ANP32B: variants seen among roughly 807,000 people sequenced by gnomAD.
ANP32B encodes acidic nuclear phosphoprotein 32 family member B.
A neutral mutation model predicts 32.2 loss-of-function variants in ANP32B; 6 were observed. That is an observed-to-expected ratio of 0.19 (90% confidence interval 0.10 to 0.37). ANP32B has a LOEUF of 0.37. ANP32B is among the 10% of genes least tolerant of loss of function. The pLI is 1.00. For missense variants in ANP32B, 204 were observed against 289.2 expected (o/e 0.71, Z 2.14); for synonymous variants, 98 against 105.8 (o/e 0.93, Z 0.45).
intron 3 of ANP32B, among the ~76,000 whole-genome samples, chr9:98,000,853 C>T (rs866474817): frequency 6.1e-5 from 9 of 147,818 alleles, no homozygotes; most frequent in African/African-American, 2.3e-4. Flanking sequence ...ACCCAGGAGG[C>T]GAAGGTTGCA....
intron 2 of ANP32B, 26 bp downstream of exon 2, chr9:97,994,806 AAG>A: frequency 1.3e-6 from 2 of 1,569,302 alleles, no homozygotes; most frequent in Non-Finnish European, 1.7e-6. Context: ...TTAACAGTAA[AAG>A]AGAACGATCC....
intron 3 of ANP32B, among the ~76,000 whole-genome samples, chr9:97,999,908 G>C (rs558025734): frequency 6.6e-6 from 1 of 152,104 alleles, no homozygotes; most frequent in Non-Finnish European, 1.5e-5. Context: ...ACACTAGAGG[G>C]TAAGACATTT....
intron 2 of ANP32B, among the ~76,000 whole-genome samples, chr9:97,995,512 G>A (rs2131584362): frequency 6.6e-6 from 1 of 152,290 alleles, no homozygotes; most frequent in African/African-American, 2.4e-5. Flanking sequence ...AATCAAACTT[G>A]GGCAAAGGTA....
At chr9:98,010,494 C>T (rs548696544) in intron 4 of ANP32B, among the ~76,000 whole-genome samples, 1 of 152,130 alleles carries the variant, frequency 6.6e-6, no homozygotes, top group East Asian at 1.9e-4. Context: ...TGGAGAAGCA[C>T]CACATACTCA....
At chr9:97,990,546 C>T (rs558610046) in intron 1 of ANP32B, among the ~76,000 whole-genome samples, 2 of 152,294 alleles carry the variant, frequency 1.3e-5, no homozygotes, top group Admixed American at 6.5e-5. Context: ...ACATTCTCAG[C>T]CTTTCTGGAA....
chr9:97,988,011 A>T (rs1827765598), intron 1 of ANP32B, among the ~76,000 whole-genome samples: 1 of 152,216 alleles, frequency 6.6e-6, no homozygotes, highest in Non-Finnish European at 1.5e-5. Flanking sequence ...CAAAAAGAAG[A>T]TAGACATCAT....
chr9:98,001,772 C>A (rs995590681), intron 3 of ANP32B, among the ~76,000 whole-genome samples: 6 of 152,046 alleles, frequency 3.9e-5, no homozygotes, highest in Non-Finnish European at 7.4e-5. Context: ...AAGTAATCTT[C>A]GTTGTGTTCA....
chr9:97,990,466 G>A (rs1254453921), intron 1 of ANP32B, among the ~76,000 whole-genome samples: 1 of 152,128 alleles, frequency 6.6e-6, no homozygotes, highest in African/African-American at 2.4e-5. Context: ...TCTCCTCTGT[G>A]CTTATTCCCC....
chr9:97,985,886 A>G (rs1390111934), intron 1 of ANP32B, among the ~76,000 whole-genome samples: 1 of 151,964 alleles, frequency 6.6e-6, no homozygotes, highest in East Asian at 1.9e-4. Context: ...CAATGGCACT[A>G]TCTCGGCTCA....
chr9:98,015,246 A>G, intron 6 of ANP32B, 118 bp from the exon 7 acceptor site: 2 of 1,425,366 alleles, frequency 1.4e-6, no homozygotes, highest in South Asian at 1.4e-5. Flanking sequence ...TAATCTGATC[A>G]AGTTTACATT....
At chr9:98,014,333 G>A (rs1303742664) in intron 6 of ANP32B, among the ~76,000 whole-genome samples, 2 of 151,668 alleles carry the variant, frequency 1.3e-5, no homozygotes, top group African/African-American at 2.4e-5. Flanking sequence ...GCATGAACCC[G>A]GGAGGCGGAG....
rs1004624609 is a variant in ANP32B at position 97,994,962 on chromosome 9, C to G, written c.204+182C>G. On this transcript the variant is annotated intron_variant, in intron 2 of 6. Coordinates refer to ENST00000339399, the MANE Select transcript of ANP32B (RefSeq NM_006401.3). The stretch of plus-strand genomic sequence containing the variant: ...GGCAAACTTCTGCAGGTTACTTAAT[C>G]TCTCTAAGGCCCAATTTCCTCACCT... Among the ~76,000 whole-genome samples, 4 of 152,190 alleles carry G rather than the reference C, an allele frequency of 2.6e-5. 1 individual carries two copies. The highest frequency in any genetic ancestry group is 2.4e-5 in the African/African-American group (1 of 41,432).
intron 1 of ANP32B, among the ~76,000 whole-genome samples, chr9:97,991,595 AAC>A (rs1283393592): frequency 1.3e-5 from 2 of 152,256 alleles, no homozygotes; most frequent in Non-Finnish European, 2.9e-5. Flanking sequence ...TACAAAAAGT[AAC>A]AGTCAAATAA....
rs918252824 is a variant in ANP32B, at chr9:97,991,421, A to G, written c.55-3210A>G. Reference sequence around the variant, plus strand: ...CTAGCCACTGCACCTGGCCTTGAACAGTTTTTTTTAGTGTTGGCTATTTGT... The same window carrying G: ...CTAGCCACTGCACCTGGCCTTGAACGGTTTTTTTTAGTGTTGGCTATTTGT... On this transcript the variant is annotated intron_variant, in intron 1 of 6. Transcript: ENST00000339399. Among the ~76,000 whole-genome samples, 2 of 151,980 alleles carry G rather than the reference A, an allele frequency of 1.3e-5. 1 individual carries two copies. The highest frequency in any genetic ancestry group is 2.9e-5 in the Non-Finnish European group (2 of 68,004).
At chr9:98,015,088 A>G (rs2131594404) in intron 6 of ANP32B, among the ~76,000 whole-genome samples, 1 of 152,298 alleles carries the variant, frequency 6.6e-6, no homozygotes, top group African/African-American at 2.4e-5. Context: ...AATAATTGCT[A>G]GATTTGTAAA....
chr9:97,986,055 G>A (rs879120424), intron 1 of ANP32B, among the ~76,000 whole-genome samples: 2 of 152,134 alleles, frequency 1.3e-5, no homozygotes, highest in South Asian at 4.1e-4. Flanking sequence ...TCCTGACCTC[G>A]GGTGATCCAC....
Position 98,015,830 on chromosome 9 carries a change from C to T in ANP32B, c.*399C>T. ...AACATTTTGGGTCTGTTTTTTCATGCTTTGCTTTTTAATTATTATTATTAT... is the reference window on the plus strand; with the variant it reads ...AACATTTTGGGTCTGTTTTTTCATGTTTTGCTTTTTAATTATTATTATTAT... On this transcript the variant is annotated 3_prime_UTR_variant, in exon 7 of 7. Coordinates refer to ENST00000339399, the MANE Select transcript of ANP32B (RefSeq NM_006401.3). 1.0e-6 allele frequency: 1 copy of T among 974,650 alleles called. No individual in the cohort carries two copies. The highest frequency in any genetic ancestry group is 1.2e-6 in the Non-Finnish European group (1 of 820,272). The allele number at this position is 974,650 out of a possible 1,614,324, so 60.4% of individuals were successfully genotyped here.
intron 1 of ANP32B, among the ~76,000 whole-genome samples, chr9:97,983,931 T>C (rs1827648237): frequency 1.3e-5 from 2 of 151,462 alleles, no homozygotes; most frequent in African/African-American, 2.4e-5. Flanking sequence ...AGGCGGGGGT[T>C]GTGTAACGCT....
intron 6 of ANP32B, 34 bp downstream of exon 6, chr9:98,012,506 G>A (rs777769686): frequency 6.2e-7 from 1 of 1,605,168 alleles, no homozygotes; most frequent in South Asian, 1.1e-5. Context: ...ATCATTCTCA[G>A]TTAAAAATTA....
Sources: gnomAD v4.1 joint callset for allele counts (sites outside exome capture counted in the v4.1 genomes callset) on GRCh38, gnomAD v4.1.1 for gene constraint, MANE v1.5 for transcripts, NCBI Gene and HGNC (gene_info 2026-07-23, HGNC 2026-07-21) for gene names.